Variants in FRMD4A observed in about 807,000 individuals in gnomAD.
FRMD4A encodes FERM domain containing 4A, also known as FERM domain-containing protein 4A.
Under a neutral mutation model 129.1 loss-of-function variants are expected in FRMD4A, and 29 were observed. The observed-to-expected ratio is 0.22, with a 90% CI of 0.17 to 0.31. The LOEUF is 0.31. Ranked by LOEUF, FRMD4A falls within the 10% of genes least tolerant of loss-of-function variation. The pLI is 1.00. For missense variants in FRMD4A, 1,272 were observed against 1,375.8 expected, an observed-to-expected ratio of 0.92 and a Z score of 1.19; for synonymous variants, 634 against 571.6, an observed-to-expected ratio of 1.11 and a Z score of -1.56.
At chr10:14,168,880 C>T (rs756668747) in intron 2 of FRMD4A, among the ~76,000 whole-genome samples, 27 of 152,114 alleles carry the variant, frequency 1.8e-4, no homozygotes, top group Non-Finnish European at 3.7e-4. Context: ...AGCCATGGTG[C>T]CTCTCACATT....
intron 2 of FRMD4A, among the ~76,000 whole-genome samples, chr10:14,304,790 C>T (rs1846292430): frequency 1.3e-5 from 2 of 152,140 alleles, no homozygotes; most frequent in African/African-American, 4.8e-5. Flanking sequence ...ATCAGAAGTG[C>T]TGGAGAATGA....
intron 2 of FRMD4A, among the ~76,000 whole-genome samples, chr10:13,911,417 G>C (rs559282527): frequency 5.5e-4 from 83 of 152,164 alleles, no homozygotes; most frequent in Middle Eastern, 3.4e-3. Flanking sequence ...CACTAAAACG[G>C]TTTTAGATAC....
intron 2 of FRMD4A, among the ~76,000 whole-genome samples, chr10:13,976,253 C>G (rs1394432200): frequency 6.6e-6 from 1 of 152,156 alleles, no homozygotes; most frequent in Non-Finnish European, 1.5e-5. Flanking sequence ...AGGTCTTGGT[C>G]CTGGGATTGC....
chr10:14,241,315 C>A (rs1844032682), intron 2 of FRMD4A, among the ~76,000 whole-genome samples: 1 of 152,108 alleles, frequency 6.6e-6, no homozygotes, highest in Non-Finnish European at 1.5e-5. Context: ...TCAGCTTTGA[C>A]CTGATCTCTT....
chr10:13,995,847 C>T (rs1185045431), intron 2 of FRMD4A, among the ~76,000 whole-genome samples: 1 of 151,024 alleles, frequency 6.6e-6, no homozygotes, highest in Admixed American at 6.6e-5. Context: ...TAATGAGCTC[C>T]TCTCCCTAAA....
At chr10:14,313,350 A>C (rs1350284593) in intron 2 of FRMD4A, among the ~76,000 whole-genome samples, 1 of 152,214 alleles carries the variant, frequency 6.6e-6, no homozygotes, top group Non-Finnish European at 1.5e-5. Flanking sequence ...GTAACAGAGC[A>C]AGACCCTGTC....
At chr10:14,281,642 C>G (rs1211318417) in intron 2 of FRMD4A, among the ~76,000 whole-genome samples, 1 of 152,208 alleles carries the variant, frequency 6.6e-6, no homozygotes, top group African/African-American at 2.4e-5. Flanking sequence ...CATTAAGTAC[C>G]TCCACACTGT....
chr10:14,248,481 T>TG (rs869201765), intron 2 of FRMD4A, among the ~76,000 whole-genome samples: 2 of 1,938 alleles, frequency 1.0e-3, no homozygotes, highest in Non-Finnish European at 0.032. Context: ...ATTCAATTCA[T>TG]TTTTTACAGG....
intron 2 of FRMD4A, among the ~76,000 whole-genome samples, chr10:14,001,756 A>T (rs574088239): frequency 2.6e-5 from 4 of 152,196 alleles, no homozygotes; most frequent in African/African-American, 9.7e-5. Flanking sequence ...AGAGAGGCGT[A>T]TATTTATAGA....
intron 2 of FRMD4A, among the ~76,000 whole-genome samples, chr10:14,232,863 C>T (rs1843683018): frequency 6.6e-6 from 1 of 152,134 alleles, no homozygotes; most frequent in South Asian, 2.1e-4. Flanking sequence ...ATCAAATCAC[C>T]TGCAAAGAGA....
chr10:13,874,283 C>A (rs1021163590), intron 2 of FRMD4A, among the ~76,000 whole-genome samples: 184 of 137,282 alleles, frequency 1.3e-3, no homozygotes, highest in African/African-American at 4.7e-3. Context: ...AATTGCTGAA[C>A]AATTCAGCTT....
intron 5 of FRMD4A, among the ~76,000 whole-genome samples, chr10:13,793,695 A>G (rs889660034): frequency 1.3e-5 from 2 of 152,158 alleles, no homozygotes; most frequent in Non-Finnish European, 2.9e-5. Flanking sequence ...ACCCAGCTGG[A>G]CAGAAGTTCT....
chr10:14,324,295 A>G (rs1394772863), intron 2 of FRMD4A, among the ~76,000 whole-genome samples: 4 of 152,342 alleles, frequency 2.6e-5, no homozygotes, highest in Admixed American at 2.0e-4. Context: ...AAAGATACCC[A>G]TTGGGAAATT....
chr10:14,077,202 G>A (rs1204174874), intron 2 of FRMD4A, among the ~76,000 whole-genome samples: 1 of 152,178 alleles, frequency 6.6e-6, no homozygotes, highest in Non-Finnish European at 1.5e-5. Context: ...TTGCAACCAA[G>A]GATGATCCCC....
At chr10:13,681,157 C>T (rs1362685558) in intron 15 of FRMD4A, among the ~76,000 whole-genome samples, 1 of 152,194 alleles carries the variant, frequency 6.6e-6, no homozygotes, top group Non-Finnish European at 1.5e-5. Flanking sequence ...ATACACAGCA[C>T]AATCTTCCCT....
At chr10:13,733,615 A>T (rs1413387642) in intron 12 of FRMD4A, among the ~76,000 whole-genome samples, 1 of 152,156 alleles carries the variant, frequency 6.6e-6, no homozygotes, top group East Asian at 1.9e-4. Flanking sequence ...TTTAGTAGAG[A>T]TGGGGTTTCA....
At chr10:13,656,518 A>G in intron 22 of FRMD4A, 118 bp downstream of exon 22, 1 of 1,177,676 alleles carries the variant, frequency 8.5e-7, no homozygotes, top group South Asian at 3.3e-5. Context: ...GAATTAATTA[A>G]TGATTCCCGT....
chr10:14,318,317 ATC>A (rs1846826223), intron 2 of FRMD4A, among the ~76,000 whole-genome samples: 1 of 135,768 alleles, frequency 7.4e-6, no homozygotes, highest in Non-Finnish European at 1.6e-5. Context: ...ACCAAGCTAT[ATC>A]CCCCCCCACC....
intron 12 of FRMD4A, among the ~76,000 whole-genome samples, chr10:13,720,612 T>C (rs899258722): frequency 6.6e-6 from 1 of 152,106 alleles, no homozygotes; most frequent in African/African-American, 2.4e-5. Flanking sequence ...ACGTGGTACA[T>C]ACAGTAAGTT....
Sources: allele counts gnomAD v4.1 joint callset (sites outside exome capture counted in the v4.1 genomes callset), GRCh38; gene constraint gnomAD v4.1.1; transcripts MANE v1.5; gene names NCBI Gene and HGNC (gene_info 2026-07-23, HGNC 2026-07-21).